Variants in CD74 observed in about 807,000 individuals in gnomAD.
The protein encoded by CD74 is HLA class II histocompatibility antigen gamma chain.
In CD74, 20 loss-of-function variants were observed where a neutral mutation model predicts 37.1. The observed-to-expected ratio is 0.54, with a 90% CI of 0.38 to 0.78. CD74 has a LOEUF of 0.78. Ranked by LOEUF, CD74 falls within the 30% of genes least tolerant of loss-of-function variation. The pLI, the probability that CD74 is intolerant of heterozygous loss-of-function variation, is 0.00. For synonymous variants in CD74, 150 were observed against 152.0 expected (o/e 0.99, Z 0.10); for missense variants, 338 against 389.5 (o/e 0.87, Z 1.11).
In CD74 at chr5:150,405,092, T is replaced by A; in HGVS notation, c.530A>T (p.Asp177Val). 1 of 1,612,632 alleles carries A rather than the reference T, an allele frequency of 6.2e-7. No individual in the cohort carries two copies. ...GCAGGGAAACCTGCTGACCTTCCAG[T>A]CTATGGTCTCCATGGTGTTCTTAAG... is the stretch of plus-strand genomic sequence containing the variant. ...RHLKNTMETI[D>V]WKVFESWMHH... The change falls in exon 5 of 9, where the codon GAC becomes GTC. Residue 177 changes from aspartate to valine, a missense_variant. Asp to Val is a radical substitution (Grantham distance 152). Transcript: ENST00000009530.
Position 150,401,930 on chromosome 5 carries a change from C to T in CD74, c.*310G>A. 4.5e-6 allele frequency: 4 copies of T among 895,418 alleles called. No individual in the cohort carries two copies. The highest frequency in any genetic ancestry group is 7.1e-6 in the Non-Finnish European group (4 of 561,294). The allele number at this position is 895,418 out of a possible 1,614,324, so 55.5% of individuals were successfully genotyped here. Reference sequence around the variant, plus strand: ...TGTGCCTTCCCATCTCGTCCATGAGCCTAGGTCTTGGAGCCTTGTGTTGGA... The same window carrying T: ...TGTGCCTTCCCATCTCGTCCATGAGTCTAGGTCTTGGAGCCTTGTGTTGGA... On this transcript the variant is annotated 3_prime_UTR_variant, in exon 9 of 9. Coordinates refer to ENST00000009530, the MANE Select transcript of CD74 (RefSeq NM_001025159.3).
intron 4 of CD74, chr5:150,405,416 A>G (rs762220374): frequency 8.0e-7 from 1 of 1,253,828 alleles, no homozygotes; most frequent in Non-Finnish European, 1.0e-6. Context: ...ATTCCAGGCC[A>G]GCTCTACCAA....
At chr5:150,405,608 TC>T (rs1561552187) in intron 4 of CD74, 1 of 188,802 alleles carries the variant, frequency 5.3e-6, no homozygotes, top group Non-Finnish European at 1.0e-5. Context: ...TAGCCTGGGA[TC>T]CCCATGGCTT....
Position 150,406,321 on chromosome 5 carries a change from G to C in CD74, c.379C>G (p.Pro127Ala). 3 of 1,613,176 alleles carry C rather than the reference G, an allele frequency of 1.9e-6. No individual in the cohort carries two copies. The South Asian group carries it at 3.3e-5, about 18-fold the overall frequency. ...CCATACTTGGTGGCATTCTGCATGG[G>C]CTGTGGGAGGAAGTAACAGAAGGTT... is the stretch of plus-strand genomic sequence containing the variant. Reference protein sequence around the residue: ...ALPMGALPQGPMQNATKYGNM... With the variant: ...ALPMGALPQGAMQNATKYGNM... Residue 127 changes from proline (P) to alanine (A), a missense_variant and splice_region_variant, in exon 4 of 9, where the codon CCC (proline) becomes GCC (alanine). Pro to Ala is a conservative substitution (Grantham distance 27). Coordinates refer to ENST00000009530, the MANE Select transcript of CD74 (RefSeq NM_001025159.3).
chr5:150,407,095 C>G lies in CD74; in HGVS notation c.298+57G>C, dbSNP rs1317631156. On this transcript the variant is annotated intron_variant, in intron 2 of 8. Transcript: ENST00000009530. This position sits in a 1 kb window ranked among gnomAD's most constrained non-coding sequence, Gnocchi z 4.4. ...CCCAGCTGGGTGCAGGGATGCGGGT[C>G]TCTGAGTTGAGGGATGGTGGGAGGT... is the stretch of plus-strand genomic sequence containing the variant. 8 of 1,587,958 alleles carry G rather than the reference C, an allele frequency of 5.0e-6. No homozygotes were observed. The East Asian group carries it at 1.8e-4, about 36-fold the overall frequency.
Position 150,407,408 on chromosome 5 carries a change from A to G in CD74, c.126-84T>C. 9.0e-7 allele frequency: 1 copy of G among 1,116,496 alleles called. No homozygotes were observed. The highest frequency in any genetic ancestry group is 1.3e-6 in the Non-Finnish European group (1 of 782,930). 69.2% of individuals were successfully genotyped at this position (1,116,496 alleles called of 1,614,324 possible). A position where few individuals can be genotyped will look rare whatever the true frequency, so the allele number is the denominator to read the frequency against. ...GCTGGCTAGGAATGGGGAAATGTAT[A>G]CCCCCATCTCCATTAGACCCCTAAG... On this transcript the variant is annotated intron_variant, in intron 1 of 8. Transcript: ENST00000009530. The surrounding 1 kb of genome is among the most constrained non-coding windows in gnomAD (Gnocchi z 4.4).
Position 150,402,100 on chromosome 5 carries a change from G to A in CD74, c.*140C>T, listed in dbSNP as rs1408119502. The A allele has an allele frequency of 3.9e-6, 6 of 1,545,320 alleles. No individual in the cohort carries two copies. The East Asian group carries it at 9.8e-5, about 25-fold the overall frequency. On this transcript the variant is annotated 3_prime_UTR_variant, in exon 9 of 9. Transcript: ENST00000009530. This position sits in a 1 kb window ranked among gnomAD's most constrained non-coding sequence, Gnocchi z 4.2. The stretch of plus-strand genomic sequence containing the variant: ...TCCGACTTGGTTTGTCTTGTCCAAG[G>A]GTGACGAAAGAGCCAGGCACCAGGG...
chr5:150,412,611 G>A lies in CD74; in HGVS notation c.125+14C>T, dbSNP rs767307882. On this transcript the variant is annotated intron_variant, in intron 1 of 8. Transcript: ENST00000009530. ...TCCAGGATCGGTGTGCCCTTTCCTG[G>A]TGCTCACACATACCTCTCCGGGGCC... The A allele has an allele frequency of 1.9e-6, 3 of 1,593,918 alleles. No homozygotes were observed. In the African/African-American group the frequency reaches 4.0e-5, roughly 21 times the overall value.
Position 150,407,044 on chromosome 5 carries a change from C to T in CD74, c.299-84G>A. On this transcript the variant is annotated intron_variant, in intron 2 of 8. Transcript: ENST00000009530. This position sits in a 1 kb window ranked among gnomAD's most constrained non-coding sequence, Gnocchi z 4.4. ...ACCCAGATGAGGAAGGGCTGGAATTCCAAACCGGAGGGAGAGGACAGTGGG... is the reference window on the plus strand; with the variant it reads ...ACCCAGATGAGGAAGGGCTGGAATTTCAAACCGGAGGGAGAGGACAGTGGG... The T allele has an allele frequency of 8.4e-6, 13 of 1,540,928 alleles. No homozygotes were observed. Among genetic ancestry groups the T allele is most frequent in the African/African-American group, 1.4e-5 (1 of 72,974 alleles).
rs754521292 is a variant in CD74, at chr5:150,407,854, T to C, written c.126-530A>G. Among the ~76,000 whole-genome samples, 3 of 152,222 alleles carry C rather than the reference T, an allele frequency of 2.0e-5. No homozygotes were observed. The highest frequency in any genetic ancestry group is 6.5e-5 in the Admixed American group (1 of 15,298). On this transcript the variant is annotated intron_variant, in intron 1 of 8. Transcript: ENST00000009530. This position sits in a 1 kb window ranked among gnomAD's most constrained non-coding sequence, Gnocchi z 4.4. ...CTGCAACCTCCACCTCCTGGGTTTA[T>C]GCCATTCTCCTTCCTCAGCCTCTCC...
rs2151169451 is a variant in CD74 at position 150,403,097 on chromosome 5, C to T, written c.817+24G>A. ...TTCCTAGTCCTTCCTGGTCCTCTGA[C>T]ACTGGCACAGTGCCACTGCTTACCA... On this transcript the variant is annotated intron_variant, in intron 7 of 8. Transcript: ENST00000009530. The surrounding 1 kb of genome is among the most constrained non-coding windows in gnomAD (Gnocchi z 4.5). The T allele has an allele frequency of 6.3e-7, 1 of 1,599,920 alleles. No homozygotes were observed. Among genetic ancestry groups the T allele is most frequent in the Non-Finnish European group, 8.5e-7 (1 of 1,171,898 alleles).
At position 150,407,444 on chromosome 5, in the gene CD74, TAAAC is replaced by T; in HGVS notation, c.126-124_126-121del. 2 of 728,534 alleles carry T rather than the reference TAAAC, an allele frequency of 2.7e-6. No individual in the cohort carries two copies. Among genetic ancestry groups the T allele is most frequent in the Non-Finnish European group, 4.4e-6 (2 of 455,332 alleles). 45.1% of individuals were successfully genotyped at this position (728,534 alleles called of 1,614,324 possible). On this transcript the variant is annotated intron_variant, in intron 1 of 8. Coordinates refer to ENST00000009530, the MANE Select transcript of CD74 (RefSeq NM_001025159.3). The surrounding 1 kb of genome is among the most constrained non-coding windows in gnomAD (Gnocchi z 4.4). Reference sequence around the variant, plus strand: ...CATTAGACCCCTAAGCCACCCCTAATAAACAATGCATTTGAAGCACAAACAGTAA... The same window carrying T: ...CATTAGACCCCTAAGCCACCCCTAATAATGCATTTGAAGCACAAACAGTAA...
At chr5:150,410,062 C>T (rs1168202471) in intron 1 of CD74, among the ~76,000 whole-genome samples, 3 of 112,612 alleles carry the variant, frequency 2.7e-5, no homozygotes, top group African/African-American at 1.1e-4. Context: ...AAAAACCCGA[C>T]GGTGGGCGGG....
rs1462131439 is a variant in CD74, at chr5:150,404,731, C to T, written c.574G>A (p.Glu192Lys). Residue 192 changes from glutamate to lysine, a missense_variant, in exon 6 of 9, where the codon GAA (glutamate) becomes AAA (lysine). Transcript: ENST00000009530. Reference protein sequence around the residue: ...ESWMHHWLLFEMSRHSLEQKP... With the variant: ...ESWMHHWLLFKMSRHSLEQKP... ...TGCTCCAAGGAGTGCCTGCTCATTT[C>T]AAACAGGAGCCAATGGTGCATCCAG... 2 of 1,587,698 alleles carry T rather than the reference C, an allele frequency of 1.3e-6. No homozygotes were observed. Among genetic ancestry groups the T allele is most frequent in the Non-Finnish European group, 8.6e-7 (1 of 1,166,608 alleles).
chr5:150,404,608 C>G (rs569512440), intron 6 of CD74, 72 bp downstream of exon 6: 1 of 885,664 alleles, frequency 1.1e-6, no homozygotes, highest in Non-Finnish European at 1.8e-6. Context: ...CTGGAGGCCC[C>G]GGCCTCAGCA....
chr5:150,401,966 A>G lies in CD74; in HGVS notation c.*274T>C, dbSNP rs1561549137. ...GAGCCTTGTGTTGGAGGCTGCTGTG[A>G]TGTCAGGAACGGGGATCTGTCTAGC... On this transcript the variant is annotated 3_prime_UTR_variant, in exon 9 of 9. Coordinates refer to ENST00000009530, the MANE Select transcript of CD74 (RefSeq NM_001025159.3). The G allele has an allele frequency of 1.7e-6, 2 of 1,209,800 alleles. No individual in the cohort carries two copies. Among genetic ancestry groups the G allele is most frequent in the Admixed American group, 2.0e-5 (1 of 50,562 alleles). 74.9% of individuals were successfully genotyped at this position (1,209,800 alleles called of 1,614,324 possible).
At position 150,407,806 on chromosome 5, in the gene CD74, T is replaced by C. The variant is rs1332068227; in HGVS notation, c.126-482A>G. 6.6e-6 allele frequency among the ~76,000 whole-genome samples: 1 copy of C among 152,146 alleles called. No individual in the cohort carries two copies. Among genetic ancestry groups the C allele is most frequent in the Non-Finnish European group, 1.5e-5 (1 of 68,020 alleles). On this transcript the variant is annotated intron_variant, in intron 1 of 8. Transcript: ENST00000009530. This position sits in a 1 kb window ranked among gnomAD's most constrained non-coding sequence, Gnocchi z 4.4. The stretch of plus-strand genomic sequence containing the variant: ...TCTTGCTCTGTCGCCCAGGCTGGAG[T>C]GCAGTGGCGCGATCTCGGCTCACTG...
chr5:150,406,693 C>T (rs1439196230), intron 3 of CD74, 188 bp downstream of exon 3: 1 of 590,118 alleles, frequency 1.7e-6, no homozygotes, highest in African/African-American at 1.9e-5. Context: ...AGGGATGGCA[C>T]CAAGAGACTC....
chr5:150,406,832 T>C (rs1769990538), intron 3 of CD74, 49 bp downstream of exon 3: 1 of 1,270,448 alleles, frequency 7.9e-7, no homozygotes, highest in Admixed American at 3.0e-5. Flanking sequence ...CTGTCCTCCA[T>C]CCAGGCGGGA....
Sources: gnomAD v4.1 joint callset for allele counts (sites outside exome capture counted in the v4.1 genomes callset) on GRCh38, gnomAD v4.1.1 for gene constraint, Gnocchi (gnomAD v3.1) non-coding constraint, MANE v1.5 for transcripts, NCBI Gene and HGNC (gene_info 2026-07-23, HGNC 2026-07-21) for gene names.